The following LIFR variants were observed in gnomAD, a reference collection of about 807,000 sequenced individuals.
The protein encoded by LIFR is LIF receptor subunit alpha.
Under a neutral mutation model 122.2 loss-of-function variants are expected in LIFR, and 84 were observed. That is an observed-to-expected ratio of 0.69 (90% CI 0.58 to 0.82). LIFR has a LOEUF of 0.82. Among genes scored for constraint, LIFR ranks in the 40% least tolerant of loss-of-function variants. The pLI, the probability that LIFR is intolerant of heterozygous loss-of-function variation, is 0.00. For synonymous variants in LIFR, 422 were observed against 434.7 expected (o/e 0.97, Z 0.36); for missense variants, 1,294 against 1,311.6 (o/e 0.99, Z 0.21).
chr5:38,605,085 T>A (rs3099118), intron 2 of LIFR, among the ~76,000 whole-genome samples: 37,792 of 151,802 alleles, frequency 0.25, 5,019 homozygotes, highest in African/African-American at 0.35. Context: ...TCCGAGAGAA[T>A]AGACTATAAA....
At chr5:38,535,740 A>C (rs1747264169) in intron 1 of LIFR, among the ~76,000 whole-genome samples, 1 of 152,212 alleles carries the variant, frequency 6.6e-6, no homozygotes, top group African/African-American at 2.4e-5. Flanking sequence ...AGACACCAAA[A>C]ACTCTAAGCC....
intron 1 of LIFR, chr5:38,579,335 G>A (rs1432832297): frequency 6.6e-6 from 1 of 152,128 alleles, no homozygotes. Flanking sequence ...GTGAAGTAGA[G>A]AAGGATAATA....
chr5:38,481,598 A>C lies in LIFR; in HGVS notation c.3291T>G (p.Asp1097Glu), dbSNP rs1743985696. ...CTGAAGTGACACGGTGACACTGTTA[A>C]TCGTTTGGTTTGTTCTGAAAAAAGT... ...FTNFFQNKPN[D>E] Residue 1097 changes from aspartate (D) to glutamate (E), a missense_variant, in exon 20 of 20, where the codon GAT (aspartate) becomes GAG (glutamate). Coordinates refer to ENST00000453190, the MANE Select transcript of LIFR (RefSeq NM_001127671.2). 6.2e-7 allele frequency: 1 copy of C among 1,614,010 alleles called. No homozygotes were observed. Among genetic ancestry groups the C allele is most frequent in the Non-Finnish European group, 8.5e-7 (1 of 1,179,994 alleles).
intron 1 of LIFR, among the ~76,000 whole-genome samples, chr5:38,549,490 A>G (rs909864891): frequency 6.6e-6 from 1 of 152,216 alleles, no homozygotes; most frequent in Non-Finnish European, 1.5e-5. Flanking sequence ...CTAGTTTATA[A>G]CTATTATAAA....
intron 1 of LIFR, among the ~76,000 whole-genome samples, chr5:38,582,175 C>T (rs187547224): frequency 6.6e-6 from 1 of 152,158 alleles, no homozygotes; most frequent in Admixed American, 6.5e-5. Flanking sequence ...ATCCCTGCTC[C>T]TCAGCCTCCC....
At chr5:38,502,415 A>G (rs1745228284) in intron 11 of LIFR, among the ~76,000 whole-genome samples, 1 of 152,044 alleles carries the variant, frequency 6.6e-6, no homozygotes, top group Admixed American at 6.6e-5. Flanking sequence ...ATGCACCACC[A>G]TGCCCAGCTA....
At chr5:38,568,370 G>C (rs903779256) in intron 1 of LIFR, among the ~76,000 whole-genome samples, 1 of 152,140 alleles carries the variant, frequency 6.6e-6, no homozygotes, top group African/African-American at 2.4e-5. Flanking sequence ...GTTTCTGGGG[G>C]ACCAACAGGC....
At chr5:38,528,169 C>A (rs1311334663) in intron 3 of LIFR, among the ~76,000 whole-genome samples, 1 of 152,222 alleles carries the variant, frequency 6.6e-6, no homozygotes, top group East Asian at 1.9e-4. Context: ...TCCTTTTCTG[C>A]TGAGAAAACT....
upstream of LIFR, chr5:38,558,536 G>A (rs1001027204): frequency 6.6e-6 from 1 of 152,164 alleles, no homozygotes; most frequent in Admixed American, 6.5e-5. Context: ...TATGCAATTT[G>A]GGTGGTCCTC....
intron 1 of LIFR, among the ~76,000 whole-genome samples, chr5:38,546,061 G>A (rs56347401): frequency 0.024 from 3,686 of 152,218 alleles, 60 homozygotes; most frequent in Middle Eastern, 0.058. Context: ...TTTAAGGGAA[G>A]AATGTGAAAT....
chr5:38,592,597 C>T (rs1346247581), intron 1 of LIFR, among the ~76,000 whole-genome samples: 1 of 147,566 alleles, frequency 6.8e-6, no homozygotes, highest in East Asian at 2.0e-4. Context: ...GTGGAGATTG[C>T]AGCGAGCTGA....
intron 1 of LIFR, among the ~76,000 whole-genome samples, chr5:38,553,970 T>C (rs1477678838): frequency 6.6e-6 from 1 of 152,008 alleles, no homozygotes; most frequent in African/African-American, 2.4e-5. Flanking sequence ...TCTGTAACCA[T>C]ATTATACTAA....
At chr5:38,597,051 T>C (rs1308559396), upstream of LIFR, among the ~76,000 whole-genome samples, 1 of 152,220 alleles carries the variant, frequency 6.6e-6, no homozygotes, top group Non-Finnish European at 1.5e-5. Flanking sequence ...AACAAAGTTG[T>C]GCCTTGCACA....
At chr5:38,532,354 T>A (rs1404877706) in intron 1 of LIFR, among the ~76,000 whole-genome samples, 1 of 152,174 alleles carries the variant, frequency 6.6e-6, no homozygotes, top group Non-Finnish European at 1.5e-5. Context: ...ACTTAATCCC[T>A]CCCTGCTTCA....
chr5:38,528,799 C>T lies in LIFR; in HGVS notation c.184G>A (p.Val62Met). 6.3e-7 allele frequency: 1 copy of T among 1,590,012 alleles called. No homozygotes were observed. The highest frequency in any genetic ancestry group is 1.1e-5 in the South Asian group (1 of 87,414). ...GGTGCTTTCCAAGAACAGTTCCACACTTGCAAATTGTTAGTTACACACTTC... is the reference window on the plus strand; with the variant it reads ...GGTGCTTTCCAAGAACAGTTCCACATTTGCAAATTGTTAGTTACACACTTC... The part of the protein sequence containing the change: ...DLKCVTNNLQ[V>M]WNCSWKAPSG... The change falls in exon 3 of 20, where the codon GTG (valine) becomes ATG (methionine). Residue 62 changes from valine (V) to methionine (M), a missense_variant. By Grantham distance (21) the Val-to-Met change is conservative. Coordinates refer to ENST00000453190, the MANE Select transcript of LIFR (RefSeq NM_001127671.2).
At chr5:38,545,493 CCT>C (rs1554026347) in intron 1 of LIFR, among the ~76,000 whole-genome samples, 1 of 151,610 alleles carries the variant, frequency 6.6e-6, no homozygotes. Flanking sequence ...ACTTATATTC[CCT>C]GAGCTTCCTT....
chr5:38,496,609 A>T lies in LIFR; in HGVS notation c.1672-14T>A. 1 of 1,577,330 alleles carries T rather than the reference A, an allele frequency of 6.3e-7. No homozygotes were observed. The highest frequency in any genetic ancestry group is 1.3e-5 in the African/African-American group (1 of 74,294). On this transcript the variant is annotated splice_polypyrimidine_tract_variant and intron_variant, in intron 12 of 19. Coordinates refer to ENST00000453190, the MANE Select transcript of LIFR (RefSeq NM_001127671.2). Reference sequence around the variant, plus strand: ...AATGGGTAAAGGCTATGAAAAACAGACAAATTGTTATAAAACCCTGCAAAA... The same window carrying T: ...AATGGGTAAAGGCTATGAAAAACAGTCAAATTGTTATAAAACCCTGCAAAA...
rs1358572670 is a variant in LIFR at position 38,540,332 on chromosome 5, C to CT, written c.-19-9667dup. Among the ~76,000 whole-genome samples, 3 of 152,334 alleles carry CT rather than the reference C, an allele frequency of 2.0e-5. No individual in the cohort carries two copies. The South Asian group carries it at 6.2e-4, about 32-fold the overall frequency. ...GTACAATGTGATTAGAAATTCAGCT[C>CT]TCCCCCGACCTGTCCGGTGAATACT... On this transcript the variant is annotated intron_variant, in intron 1 of 19. Coordinates refer to ENST00000453190, the MANE Select transcript of LIFR (RefSeq NM_001127671.2).
intron 1 of LIFR, among the ~76,000 whole-genome samples, chr5:38,564,747 C>CT (rs1748957722): frequency 6.8e-6 from 1 of 146,564 alleles, no homozygotes; most frequent in African/African-American, 2.6e-5. Flanking sequence ...CACACACACA[C>CT]ACACACACAC....
Sources: gnomAD v4.1 joint callset for allele counts (sites outside exome capture counted in the v4.1 genomes callset) on GRCh38, gnomAD v4.1.1 for gene constraint, MANE v1.5 for transcripts, NCBI Gene and HGNC (gene_info 2026-07-23, HGNC 2026-07-21) for gene names.